Variants in KLHL4 observed in about 807,000 individuals in gnomAD.
The protein encoded by KLHL4 is kelch like family member 4, also known as kelch-like protein 4.
Under a neutral mutation model 45.8 loss-of-function variants are expected in KLHL4, and 17 were observed. That is an observed-to-expected ratio of 0.37 (90% CI 0.25 to 0.56). KLHL4 has a LOEUF of 0.56. Ranked by LOEUF, KLHL4 falls within the 20% of genes least tolerant of loss-of-function variation. The probability of loss-of-function intolerance (pLI) is 0.79; values close to 1 mark genes in which losing one functional copy is unlikely to be tolerated. For synonymous variants in KLHL4, 224 were observed against 189.9 expected, an observed-to-expected ratio of 1.18 and a Z score of -1.47; for missense variants, 544 against 544.9, an observed-to-expected ratio of 1.00 and a Z score of 0.02.
Position 87,518,154 on chromosome X carries a change from C to T in KLHL4, c.261C>T (p.Ala87=). 1.7e-6 allele frequency: 2 copies of T among 1,211,759 alleles called. No homozygotes were observed. The highest frequency in any genetic ancestry group is 2.2e-6 in the Non-Finnish European group (2 of 895,515). Residue 87 remains alanine (A), a synonymous_variant, in exon 1 of 11, where the codon GCC becomes GCT. Transcript: ENST00000373119. ...VPGPAPAHQR[A]VQNLQQHNLI... is the part of the protein sequence containing the mutation. ...GACCGGCCCCTGCCCATCAGAGAGC[C>T]GTTCAGAATTTGCAGCAACATAATC...
At chrX:87,538,152 T>C (rs898281142) in intron 1 of KLHL4, among the ~76,000 whole-genome samples, 4 of 111,616 alleles carry the variant, frequency 3.6e-5, no homozygotes, top group African/African-American at 6.5e-5. Flanking sequence ...TTTCCTAAGA[T>C]GGGATGAACA....
intron 1 of KLHL4, among the ~76,000 whole-genome samples, chrX:87,603,932 G>A (rs923951987): frequency 9.1e-5 from 10 of 109,317 alleles, no homozygotes; most frequent in Admixed American, 3.0e-4. Flanking sequence ...TCCACTCCCC[G>A]CTTCTATGAT....
At chrX:87,542,616 C>T (rs1173321790) in intron 1 of KLHL4, among the ~76,000 whole-genome samples, 1 of 112,457 alleles carries the variant, frequency 8.9e-6, no homozygotes, top group East Asian at 2.8e-4. Context: ...GGCATGTGGC[C>T]CCTTTGTTTT....
At chrX:87,522,531 G>A (rs1055152151) in intron 1 of KLHL4, among the ~76,000 whole-genome samples, 3 of 111,498 alleles carry the variant, frequency 2.7e-5, no homozygotes, top group African/African-American at 9.8e-5. Flanking sequence ...CTTACGAGGT[G>A]AAAATAGTGT....
chrX:87,576,236 A>G (rs1921097616), intron 1 of KLHL4, among the ~76,000 whole-genome samples: 1 of 111,382 alleles, frequency 9.0e-6, no homozygotes, highest in African/African-American at 3.3e-5. Context: ...AAATAATTGT[A>G]TTTTCTATTT....
At chrX:87,620,598 A>C (rs1244400061) in intron 4 of KLHL4, among the ~76,000 whole-genome samples, 1 of 112,125 alleles carries the variant, frequency 8.9e-6, no homozygotes, top group African/African-American at 3.2e-5. Flanking sequence ...GTTTATATAC[A>C]ATATCGGTAC....
Position 87,669,529 on chromosome X carries a change from A to C in KLHL4, c.*2995A>C. On this transcript the variant is annotated 3_prime_UTR_variant, in exon 11 of 11. Transcript: ENST00000373119. The stretch of plus-strand genomic sequence containing the variant: ...TTCCAAATGCAATATAGAAAAAAAA[A>C]CCCTGTGACTCTGGATTTTATTTTA... 1 of 756,797 alleles carries C rather than the reference A, an allele frequency of 1.3e-6. No individual in the cohort carries two copies. Among genetic ancestry groups the C allele is most frequent in the Non-Finnish European group, 1.8e-6 (1 of 552,709 alleles). The allele number at this position is 756,797 out of a possible 1,213,427, so 62.4% of individuals were successfully genotyped here.
At chrX:87,524,178 C>T (rs12353893) in intron 1 of KLHL4, among the ~76,000 whole-genome samples, 28,425 of 108,895 alleles carry the variant, frequency 0.26, 3,128 homozygotes, top group East Asian at 0.55. Flanking sequence ...ACACCATTAG[C>T]GGAGAAGTCT....
At chrX:87,655,764 T>C (rs1007432334) in intron 9 of KLHL4, among the ~76,000 whole-genome samples, 1 of 111,979 alleles carries the variant, frequency 8.9e-6, no homozygotes, top group African/African-American at 3.2e-5. Flanking sequence ...ATTTGTGTAA[T>C]TGTTTTATAA....
chrX:87,585,453 C>T (rs1921437068), intron 1 of KLHL4, among the ~76,000 whole-genome samples: 1 of 111,015 alleles, frequency 9.0e-6, no homozygotes, highest in African/African-American at 3.3e-5. Context: ...ATAGAAACAA[C>T]AAAATGTTAA....
At chrX:87,622,855 C>T (rs866541153) in intron 5 of KLHL4, among the ~76,000 whole-genome samples, 1 of 111,453 alleles carries the variant, frequency 9.0e-6, no homozygotes, top group Admixed American at 9.6e-5. Context: ...TGCTATCATA[C>T]TTTCGATGCA....
intron 1 of KLHL4, among the ~76,000 whole-genome samples, chrX:87,530,270 T>C (rs201803504): frequency 9.2e-6 from 1 of 109,178 alleles, no homozygotes; most frequent in Non-Finnish European, 1.9e-5. Flanking sequence ...AACATTTAAG[T>C]CTTTTTTTTT....
chrX:87,665,710 T>G (rs1405114810), intron 10 of KLHL4, among the ~76,000 whole-genome samples: 1 of 111,658 alleles, frequency 9.0e-6, no homozygotes, highest in East Asian at 2.8e-4. Flanking sequence ...AGGCAAACCT[T>G]GTATTTGGTA....
chrX:87,519,174 C>T (rs1264479094), intron 1 of KLHL4, among the ~76,000 whole-genome samples: 1 of 111,591 alleles, frequency 9.0e-6, no homozygotes, highest in South Asian at 3.8e-4. Flanking sequence ...TTTTTATAGT[C>T]CCAACGTGTT....
At chrX:87,535,707 T>C (rs1030959529) in intron 1 of KLHL4, among the ~76,000 whole-genome samples, 2 of 110,797 alleles carry the variant, frequency 1.8e-5, no homozygotes, top group African/African-American at 3.3e-5. Context: ...TCTGTGTTTC[T>C]GCCCAAAGCT....
At chrX:87,644,111 C>G (rs1005267617) in intron 9 of KLHL4, among the ~76,000 whole-genome samples, 1 of 111,116 alleles carries the variant, frequency 9.0e-6, no homozygotes, top group Non-Finnish European at 1.9e-5. Context: ...AAGTCAAACT[C>G]TCACTGTTTG....
Position 87,627,371 on chromosome X carries a change from T to A in KLHL4, c.1324+1575T>A, listed in dbSNP as rs927735550. ...GAAAGGGGATAGAAAAAAAAAAGTT[T>A]AAAAACTTGGTTTGAAGTCCTACTG... On this transcript the variant is annotated intron_variant, in intron 6 of 10. Transcript: ENST00000373119. Among the ~76,000 whole-genome samples, 3 of 111,501 alleles carry A rather than the reference T, an allele frequency of 2.7e-5. No individual in the cohort carries two copies. The Admixed American group carries it at 2.9e-4, about 11-fold the overall frequency.
intron 4 of KLHL4, among the ~76,000 whole-genome samples, chrX:87,619,318 A>C (rs1407313154): frequency 4.5e-5 from 5 of 111,683 alleles, no homozygotes; most frequent in Non-Finnish European, 9.4e-5. Flanking sequence ...TAATTTCTAA[A>C]ATTTCAATTG....
At chrX:87,526,715 T>A (rs927010367) in intron 1 of KLHL4, among the ~76,000 whole-genome samples, 1 of 111,773 alleles carries the variant, frequency 8.9e-6, no homozygotes, top group African/African-American at 3.2e-5. Flanking sequence ...AAGTTTAATG[T>A]ATACTCCAAT....
Sources: allele counts gnomAD v4.1 joint callset (sites outside exome capture counted in the v4.1 genomes callset), GRCh38; gene constraint gnomAD v4.1.1; transcripts MANE v1.5; gene names NCBI Gene and HGNC (gene_info 2026-07-23, HGNC 2026-07-21).